ESRRG: variants seen among roughly 807,000 people sequenced by gnomAD.
ESRRG encodes estrogen-related receptor gamma.
ESRRG carries 13 observed loss-of-function variants against 44.0 expected under a neutral mutation model. The ratio of observed to expected loss-of-function variants is 0.30; its 90% CI spans 0.19 to 0.47. The LOEUF (loss-of-function observed/expected upper bound fraction) is 0.47, where lower values mean the gene tolerates loss of function less well. Among genes scored for constraint, ESRRG ranks in the 20% least tolerant of loss-of-function variants. The probability of loss-of-function intolerance (pLI) is 1.00; values close to 1 mark genes in which losing one functional copy is unlikely to be tolerated. For synonymous variants in ESRRG, 215 were observed against 214.6 expected (o/e 1.00, Z -0.02); for missense variants, 395 against 580.6 (o/e 0.68, Z 3.29).
chr1:217,119,723 CAA>C (rs986750729), intron 1 of ESRRG, among the ~76,000 whole-genome samples: 5 of 152,094 alleles, frequency 3.3e-5, no homozygotes, highest in Non-Finnish European at 4.4e-5. Flanking sequence ...TTATTTGAAA[CAA>C]AGGTTGGATT....
chr1:216,832,304 A>G (rs1190023834), intron 2 of ESRRG, among the ~76,000 whole-genome samples: 2 of 152,192 alleles, frequency 1.3e-5, no homozygotes, highest in African/African-American at 4.8e-5. Context: ...ATTTCCAGGA[A>G]TTCCTTGCTC....
intron 1 of ESRRG, among the ~76,000 whole-genome samples, chr1:216,713,202 GA>G (rs1334558545): frequency 6.6e-6 from 1 of 152,064 alleles, no homozygotes; most frequent in Non-Finnish European, 1.5e-5. Context: ...ACAAAGAAGA[GA>G]AAATGGCAGA....
intron 2 of ESRRG, among the ~76,000 whole-genome samples, chr1:216,927,434 C>A (rs2062741085): frequency 6.6e-6 from 1 of 152,132 alleles, no homozygotes; most frequent in Admixed American, 6.5e-5. Context: ...GGGAGCTCTG[C>A]AAAGTGACCA....
intron 1 of ESRRG, among the ~76,000 whole-genome samples, chr1:217,016,051 G>A (rs1211165003): frequency 6.6e-6 from 1 of 152,036 alleles, no homozygotes; most frequent in African/African-American, 2.4e-5. Flanking sequence ...TCTTATGGCT[G>A]ATTTCAGGAG....
chr1:216,536,265 G>T (rs929103953), intron 5 of ESRRG, among the ~76,000 whole-genome samples: 9 of 151,860 alleles, frequency 5.9e-5, no homozygotes, highest in African/African-American at 1.9e-4. Flanking sequence ...TATATTTCTG[G>T]TTTTTTACAG....
intron 2 of ESRRG, among the ~76,000 whole-genome samples, chr1:216,733,627 T>A (rs1291305338): frequency 6.6e-6 from 1 of 152,152 alleles, no homozygotes; most frequent in African/African-American, 2.4e-5. Flanking sequence ...AGCGGTGGGT[T>A]CCTTTTCTTG....
chr1:216,755,373 C>T (rs565255303), intron 2 of ESRRG, among the ~76,000 whole-genome samples: 1 of 151,868 alleles, frequency 6.6e-6, no homozygotes, highest in African/African-American at 2.4e-5. Flanking sequence ...GATCTTAGAG[C>T]CCCCCAAACT....
At chr1:217,008,833 T>A (rs1057402893) in intron 1 of ESRRG, among the ~76,000 whole-genome samples, 2 of 152,128 alleles carry the variant, frequency 1.3e-5, no homozygotes, top group African/African-American at 4.8e-5. Flanking sequence ...TAGACTAGCA[T>A]TCCCCAACTA....
Position 216,796,026 on chromosome 1 carries a change from T to C in ESRRG, c.-13-118535A>G, listed in dbSNP as rs576125288. 2.0e-5 allele frequency among the ~76,000 whole-genome samples: 3 copies of C among 152,304 alleles called. No homozygotes were observed. In the South Asian group the frequency reaches 6.2e-4, roughly 32 times the overall value. The stretch of plus-strand genomic sequence containing the variant: ...GGTATTGGTGTAGGGCAGGGGCCTG[T>C]GAGGCCTGGGGCTGAAAACAAGTGG... On this transcript the variant is annotated intron_variant, in intron 2 of 7. Transcript: ENST00000359162.
At chr1:216,726,425 A>AT (rs200601278), upstream of ESRRG, among the ~76,000 whole-genome samples, 2,075 of 152,308 alleles carry the variant, frequency 0.014, 23 homozygotes, top group Middle Eastern at 0.027. Flanking sequence ...CTGGTCCCAG[A>AT]TTTTTCTCAC....
chr1:216,522,787 C>T (rs1253074765), intron 5 of ESRRG, among the ~76,000 whole-genome samples: 1 of 152,112 alleles, frequency 6.6e-6, no homozygotes, highest in Non-Finnish European at 1.5e-5. Flanking sequence ...AATGAAAATG[C>T]ATGTTTTAAT....
chr1:216,872,662 C>A (rs1198614369), intron 2 of ESRRG, among the ~76,000 whole-genome samples: 1 of 151,986 alleles, frequency 6.6e-6, no homozygotes, highest in East Asian at 1.9e-4. Flanking sequence ...ATTTTTCTTT[C>A]TATTTCTTAT....
intron 1 of ESRRG, among the ~76,000 whole-genome samples, chr1:217,021,813 T>C (rs2080369182): frequency 6.6e-6 from 1 of 152,246 alleles, no homozygotes; most frequent in Admixed American, 6.5e-5. Flanking sequence ...TGTGCAATAT[T>C]GTTCCTTCGA....
intron 1 of ESRRG, among the ~76,000 whole-genome samples, chr1:216,719,103 A>G (rs1223866586): frequency 6.6e-6 from 1 of 152,030 alleles, no homozygotes; most frequent in Non-Finnish European, 1.5e-5. Flanking sequence ...GCTAAAACAA[A>G]TGTTGAGGAA....
At chr1:216,533,185 T>C (rs1320023087) in intron 5 of ESRRG, among the ~76,000 whole-genome samples, 1 of 152,288 alleles carries the variant, frequency 6.6e-6, no homozygotes, top group African/African-American at 2.4e-5. Flanking sequence ...GTTTCTGTTA[T>C]TATTTAAATG....
intron 2 of ESRRG, chr1:216,805,277 A>T (rs1010269005): frequency 2.6e-5 from 4 of 152,218 alleles, no homozygotes; most frequent in African/African-American, 9.6e-5. Context: ...CAATAAAAAC[A>T]GTATAGACAT....
Position 216,808,289 on chromosome 1 carries a change from C to T in ESRRG, c.-13-130798G>A, listed in dbSNP as rs527564273. On this transcript the variant is annotated intron_variant, in intron 2 of 7. Transcript: ENST00000359162. ...AGCTCATAGATAACATGAGGTGCTA[C>T]ACTTCTGAACTTGGGTTACTTGGAA... is the stretch of plus-strand genomic sequence containing the variant. 2.2e-4 allele frequency among the ~76,000 whole-genome samples: 33 copies of T among 152,234 alleles called. No individual in the cohort carries two copies. The Middle Eastern group carries it at 0.014, about 63-fold the overall frequency.
intron 1 of ESRRG, among the ~76,000 whole-genome samples, chr1:217,023,211 T>C (rs1313424743): frequency 6.6e-6 from 1 of 152,152 alleles, no homozygotes; most frequent in Non-Finnish European, 1.5e-5. Context: ...TTCCTGCAAT[T>C]TACCTCTCCA....
At chr1:217,069,484 A>T (rs900329352) in intron 1 of ESRRG, among the ~76,000 whole-genome samples, 4 of 151,872 alleles carry the variant, frequency 2.6e-5, no homozygotes, top group African/African-American at 9.7e-5. Context: ...CCTCTAGAGA[A>T]CCCTAATACA....
Sources: allele counts gnomAD v4.1 joint callset (sites outside exome capture counted in the v4.1 genomes callset), GRCh38; gene constraint gnomAD v4.1.1; transcripts MANE v1.5; gene names NCBI Gene and HGNC (gene_info 2026-07-23, HGNC 2026-07-21).